The following SEL1L3 variants were observed in gnomAD, a reference collection of about 807,000 sequenced individuals.
The protein encoded by SEL1L3 is protein sel-1 homolog 3.
SEL1L3 carries 76 observed loss-of-function variants against 142.8 expected under a neutral mutation model. The ratio of observed to expected loss-of-function variants is 0.53; its 90% CI spans 0.44 to 0.64. SEL1L3 has a LOEUF of 0.64. Among genes scored for constraint, SEL1L3 ranks in the 30% least tolerant of loss-of-function variants. The probability of loss-of-function intolerance (pLI) is 0.00; values close to 1 mark genes in which losing one functional copy is unlikely to be tolerated. For synonymous variants in SEL1L3, 504 were observed against 519.6 expected (o/e 0.97, Z 0.41); for missense variants, 1,262 against 1,381.7 (o/e 0.91, Z 1.37).
intron 9 of SEL1L3, among the ~76,000 whole-genome samples, chr4:25,815,368 A>C (rs958152028): frequency 6.6e-6 from 1 of 152,208 alleles, no homozygotes; most frequent in East Asian, 1.9e-4. Context: ...GCCCATACCC[A>C]GGGAGTCTTA....
At chr4:25,714,487 T>C in the SEL1L3 span, among the ~76,000 whole-genome samples, 10 of 119,062 alleles carry the variant, frequency 8.4e-5, no homozygotes, top group Non-Finnish European at 1.5e-4. Context: ...TTTCTTTCTT[T>C]CTCTTTCTTT....
At chr4:25,797,230 G>A (rs1279033081) in intron 11 of SEL1L3, among the ~76,000 whole-genome samples, 1 of 151,762 alleles carries the variant, frequency 6.6e-6, no homozygotes, top group East Asian at 1.9e-4. Flanking sequence ...CAGCTGAGGA[G>A]CGAAGCCTCT....
At chr4:25,728,132 A>G in the SEL1L3 span, among the ~76,000 whole-genome samples, 4 of 152,148 alleles carry the variant, frequency 2.6e-5, no homozygotes, top group Admixed American at 6.6e-5. Flanking sequence ...GAGAATGACC[A>G]TTAGTGTTTC....
At chr4:25,757,456 CCAAAAAAAA>C (rs1328286478) in intron 23 of SEL1L3, 69 bp downstream of exon 23, 40 of 527,182 alleles carry the variant, frequency 7.6e-5, no homozygotes, top group Middle Eastern at 5.4e-4. Context: ...TTCCAGTAGA[CCAAAAAAAA>C]AAAAAAAAAA....
At chr4:25,740,143 G>A in the SEL1L3 span, among the ~76,000 whole-genome samples, 1 of 151,494 alleles carries the variant, frequency 6.6e-6, no homozygotes, top group Non-Finnish European at 1.5e-5. Context: ...CATAAATCTA[G>A]TTCCTAGTGG....
intron 17 of SEL1L3, 21 bp downstream of exon 17, chr4:25,776,256 T>C (rs748479654): frequency 6.3e-7 from 1 of 1,574,902 alleles, no homozygotes; most frequent in Non-Finnish European, 8.7e-7. Flanking sequence ...AAGTTTGCTC[T>C]AACGTGGATC....
chr4:25,748,258 G>A lies in SEL1L3; in HGVS notation c.*167C>T, dbSNP rs1455203429. 3.2e-6 allele frequency: 2 copies of A among 632,146 alleles called. No homozygotes were observed. The highest frequency in any genetic ancestry group is 2.9e-5 in the Admixed American group (1 of 34,508). The allele number at this position is 632,146 out of a possible 1,614,324, so 39.2% of individuals were successfully genotyped here. On this transcript the variant is annotated 3_prime_UTR_variant, in exon 24 of 24. Coordinates refer to ENST00000399878, the MANE Select transcript of SEL1L3 (RefSeq NM_015187.5). The stretch of plus-strand genomic sequence containing the variant: ...TTGGTATTACCACTGCCTGATCTGG[G>A]TACTTCCTTGTAATTTGACTTTAAA...
intron 17 of SEL1L3, 77 bp from the exon 18 acceptor site, chr4:25,767,907 T>A (rs979129267): frequency 1.2e-4 from 105 of 878,758 alleles, no homozygotes; most frequent in Non-Finnish European, 7.9e-5. Flanking sequence ...CATTCAAACA[T>A]AAGAGGGCAC....
At chr4:25,783,712 G>C (rs1711581166) in intron 14 of SEL1L3, among the ~76,000 whole-genome samples, 1 of 152,182 alleles carries the variant, frequency 6.6e-6, no homozygotes, top group African/African-American at 2.4e-5. Flanking sequence ...ATAGGAACTA[G>C]CTGACTTGAA....
At chr4:25,756,157 C>CA in intron 23 of SEL1L3, 1 of 985,430 alleles carries the variant, frequency 1.0e-6, no homozygotes, top group African/African-American at 1.7e-5. Context: ...GCAAATGCTC[C>CA]AATGCCATGT....
At chr4:25,760,126 C>T (rs1718275719) in intron 20 of SEL1L3, 1 of 152,100 alleles carries the variant, frequency 6.6e-6, no homozygotes, top group Non-Finnish European at 1.5e-5. Context: ...TTCTATGTGC[C>T]CATGTGTTCT....
intron 11 of SEL1L3, among the ~76,000 whole-genome samples, chr4:25,798,489 A>G (rs187232736): frequency 1.3e-5 from 2 of 152,258 alleles, no homozygotes; most frequent in East Asian, 3.9e-4. Flanking sequence ...GCAGTGGTGA[A>G]CTTGGCCTGA....
rs535382024 is a variant in SEL1L3, at chr4:25,781,366, A to G, written c.2457+876T>C. On this transcript the variant is annotated intron_variant, in intron 15 of 23. Coordinates refer to ENST00000399878, the MANE Select transcript of SEL1L3 (RefSeq NM_015187.5). ...TGTAGCGGAGCTCAGGACCAGGCAC[A>G]GTGGCTCACACCTGTAATCCCAGAA... is the stretch of plus-strand genomic sequence containing the variant. Among the ~76,000 whole-genome samples, 45 of 152,046 alleles carry G rather than the reference A, an allele frequency of 3.0e-4. No individual in the cohort carries two copies. The South Asian group carries it at 8.8e-3, about 30-fold the overall frequency.
At chr4:25,737,585 T>G in the SEL1L3 span, among the ~76,000 whole-genome samples, 1 of 152,156 alleles carries the variant, frequency 6.6e-6, no homozygotes, top group Non-Finnish European at 1.5e-5. Flanking sequence ...CATTGGAAAT[T>G]AGGGATTCTA....
rs764540519 is a variant in SEL1L3, at chr4:25,748,484, C to T, written c.3340G>A (p.Ala1114Thr). ...STASPAVTPA[A>T]DASDQDQPTV... ...GGCTGGTCTTGGTCAGAGGCATCTG[C>T]AGCTGGAGTCACAGCTGGACTTGCA... Residue 1114 changes from alanine (A) to threonine (T), a missense_variant, in exon 24 of 24, where the codon GCA becomes ACA. Ala to Thr is a moderately conservative substitution (Grantham distance 58, BLOSUM62 0). Coordinates refer to ENST00000399878, the MANE Select transcript of SEL1L3 (RefSeq NM_015187.5). 1.2e-6 allele frequency: 2 copies of T among 1,611,880 alleles called. No individual in the cohort carries two copies. The highest frequency in any genetic ancestry group is 1.3e-5 in the African/African-American group (1 of 75,040).
chr4:25,770,710 A>G (rs1719101435), intron 17 of SEL1L3, among the ~76,000 whole-genome samples: 1 of 143,388 alleles, frequency 7.0e-6, no homozygotes. Flanking sequence ...ACTGTACTCC[A>G]GCCTGGGCAA....
chr4:25,844,400 A>G (rs545493479), intron 2 of SEL1L3, among the ~76,000 whole-genome samples: 95 of 152,144 alleles, frequency 6.2e-4, no homozygotes, highest in African/African-American at 2.0e-3. Context: ...GCTCCCCACC[A>G]TTTTCAGTGA....
chr4:25,861,346 T>C (rs928211490), intron 1 of SEL1L3, among the ~76,000 whole-genome samples: 3 of 152,346 alleles, frequency 2.0e-5, no homozygotes, highest in Admixed American at 1.3e-4. Context: ...AACCACACAA[T>C]TTGATATTGG....
chr4:25,744,845 G>A (rs1199383533), downstream of SEL1L3, among the ~76,000 whole-genome samples: 4 of 152,300 alleles, frequency 2.6e-5, no homozygotes, highest in East Asian at 3.9e-4. Flanking sequence ...GAAAGGTGAC[G>A]GCCATCTACA....
Sources: allele counts gnomAD v4.1 joint callset (sites outside exome capture counted in the v4.1 genomes callset), GRCh38; gene constraint gnomAD v4.1.1; transcripts MANE v1.5; gene names NCBI Gene and HGNC (gene_info 2026-07-23, HGNC 2026-07-21).